The following MYT1L variants were observed in gnomAD, a reference collection of about 807,000 sequenced individuals.
MYT1L encodes the protein myelin transcription factor 1-like protein.
In MYT1L, 12 loss-of-function variants were observed where a neutral mutation model predicts 126.7. The observed-to-expected ratio is 0.09, with a 90% CI of 0.06 to 0.15. MYT1L has a LOEUF of 0.15. Among genes scored for constraint, MYT1L ranks in the 10% least tolerant of loss-of-function variants. The probability of loss-of-function intolerance (pLI) is 1.00; values close to 1 mark genes in which losing one functional copy is unlikely to be tolerated. For missense variants in MYT1L, 979 were observed against 1,585.2 expected, an observed-to-expected ratio of 0.62 and a Z score of 6.49; for synonymous variants, 541 against 604.2, an observed-to-expected ratio of 0.90 and a Z score of 1.53.
At chr2:2,316,060 G>A (rs2096059827) in intron 1 of MYT1L, among the ~76,000 whole-genome samples, 1 of 152,054 alleles carries the variant, frequency 6.6e-6, no homozygotes, top group Admixed American at 6.6e-5. Context: ...TTTTCTCAGT[G>A]GAGCCTCCTT....
At chr2:1,940,631 G>A (rs1318481076) in intron 9 of MYT1L, among the ~76,000 whole-genome samples, 1 of 152,270 alleles carries the variant, frequency 6.6e-6, no homozygotes, top group Non-Finnish European at 1.5e-5. Flanking sequence ...ACATCTCCCT[G>A]TGGCTGCACC....
At chr2:1,962,085 A>G (rs1404204925) in intron 8 of MYT1L, among the ~76,000 whole-genome samples, 1 of 152,270 alleles carries the variant, frequency 6.6e-6, no homozygotes, top group Non-Finnish European at 1.5e-5. Context: ...TACATCTATT[A>G]CACATTAATA....
intron 3 of MYT1L, among the ~76,000 whole-genome samples, chr2:2,056,006 C>T (rs1319250350): frequency 2.2e-4 from 34 of 152,234 alleles, no homozygotes; most frequent in Admixed American, 1.4e-3. Flanking sequence ...AGTGCCTCAA[C>T]GGCAGATATG....
chr2:2,068,534 A>C (rs540041573), intron 3 of MYT1L, among the ~76,000 whole-genome samples: 6 of 152,318 alleles, frequency 3.9e-5, no homozygotes, highest in Admixed American at 3.9e-4. Flanking sequence ...AAATGCCATC[A>C]TTTAAATCCT....
chr2:1,864,761 C>T (rs184225726), intron 18 of MYT1L, among the ~76,000 whole-genome samples: 8 of 152,302 alleles, frequency 5.3e-5, no homozygotes, highest in African/African-American at 1.7e-4. Context: ...GTTCTTGGCC[C>T]CTGCTTGAAG....
chr2:2,191,246 C>G (rs1360357447), intron 2 of MYT1L, among the ~76,000 whole-genome samples: 1 of 152,144 alleles, frequency 6.6e-6, no homozygotes, highest in Non-Finnish European at 1.5e-5. Context: ...TCTGAGAAGG[C>G]TGTGCCTGCT....
In MYT1L at chr2:1,929,132, T is replaced by C. The variant is rs1427324955; in HGVS notation, c.506-5869A>G. On this transcript the variant is annotated intron_variant, in intron 9 of 24. Transcript: ENST00000647738. This position sits in a 1 kb window ranked among gnomAD's most constrained non-coding sequence, Gnocchi z 4.7. ...CGCTTCAAAGGCCCCAGGCGCATGC[T>C]GAGACACTGCAGTCTCTTTCCTTTC... Among the ~76,000 whole-genome samples the C allele has an allele frequency of 6.6e-6, 1 of 152,166 alleles. No homozygotes were observed. Among genetic ancestry groups the C allele is most frequent in the African/African-American group, 2.4e-5 (1 of 41,446 alleles).
chr2:2,159,238 G>A (rs1332711081), intron 3 of MYT1L, among the ~76,000 whole-genome samples: 1 of 152,166 alleles, frequency 6.6e-6, no homozygotes, highest in Non-Finnish European at 1.5e-5. Context: ...CAGCATACTA[G>A]GCAATCCTTA....
At chr2:2,078,269 T>C (rs970815483) in intron 3 of MYT1L, among the ~76,000 whole-genome samples, 26 of 151,820 alleles carry the variant, frequency 1.7e-4, no homozygotes, top group African/African-American at 4.8e-4. Context: ...AATAGGGAAA[T>C]AGAGGAATAA....
chr2:2,245,374 G>A (rs1480836177), intron 2 of MYT1L, among the ~76,000 whole-genome samples: 2 of 151,878 alleles, frequency 1.3e-5, no homozygotes, highest in Non-Finnish European at 2.9e-5. Context: ...CAAGACATGA[G>A]CTTGGGAACT....
At chr2:1,936,224 C>T (rs913052886) in intron 9 of MYT1L, among the ~76,000 whole-genome samples, 9 of 152,248 alleles carry the variant, frequency 5.9e-5, no homozygotes, top group Non-Finnish European at 1.2e-4. Context: ...CACCCGTCCT[C>T]TACCTGCATC....
intron 18 of MYT1L, among the ~76,000 whole-genome samples, chr2:1,874,362 T>C (rs759189204): frequency 5.9e-5 from 9 of 152,218 alleles, no homozygotes; most frequent in Non-Finnish European, 1.2e-4. Context: ...GGAAAAGTGC[T>C]GTGTTTTCCT....
intron 3 of MYT1L, among the ~76,000 whole-genome samples, chr2:2,088,784 C>T (rs556391629): frequency 5.9e-5 from 9 of 152,254 alleles, no homozygotes; most frequent in Admixed American, 5.9e-4. Context: ...GCAATTTGAA[C>T]GAACAATTAC....
chr2:1,875,679 C>A (rs1054977318), intron 18 of MYT1L, among the ~76,000 whole-genome samples: 1 of 152,174 alleles, frequency 6.6e-6, no homozygotes, highest in Non-Finnish European at 1.5e-5. Context: ...GTCCGGGGAT[C>A]GATGAGCGGA....
intron 3 of MYT1L, among the ~76,000 whole-genome samples, chr2:2,172,554 A>G (rs1284688147): frequency 6.6e-6 from 1 of 152,266 alleles, no homozygotes; most frequent in Non-Finnish European, 1.5e-5. Flanking sequence ...TATTTACTCA[A>G]AGCAGCAAAT....
At chr2:1,934,727 T>TAC (rs56320658) in intron 9 of MYT1L, among the ~76,000 whole-genome samples, 13,979 of 138,256 alleles carry the variant, frequency 0.1, 670 homozygotes, top group African/African-American at 0.14. Flanking sequence ...CTCTGTCATG[T>TAC]ACACACACAC....
intron 18 of MYT1L, among the ~76,000 whole-genome samples, chr2:1,858,927 C>T (rs146001479): frequency 1.8e-4 from 28 of 152,340 alleles, no homozygotes; most frequent in Non-Finnish European, 4.0e-4. Context: ...GTGCCCTCTC[C>T]GAATTCCCTT....
chr2:1,947,203 G>GGGTAA (rs1176742798), intron 8 of MYT1L, among the ~76,000 whole-genome samples: 1 of 152,126 alleles, frequency 6.6e-6, no homozygotes, highest in East Asian at 1.9e-4. Flanking sequence ...AGGTGACTGG[G>GGGTAA]GGTAAGGTGG....
chr2:1,850,601 C>G (rs1000952842), intron 19 of MYT1L, among the ~76,000 whole-genome samples: 1 of 152,118 alleles, frequency 6.6e-6, no homozygotes, highest in African/African-American at 2.4e-5. Flanking sequence ...TCCTCTGGGT[C>G]CTTTACTAGA....
Sources: allele counts gnomAD v4.1 joint callset (sites outside exome capture counted in the v4.1 genomes callset), GRCh38; gene constraint gnomAD v4.1.1; non-coding constraint Gnocchi (gnomAD v3.1); transcripts MANE v1.5; gene names NCBI Gene and HGNC (gene_info 2026-07-23, HGNC 2026-07-21).